The following HBS1L variants were observed in gnomAD, a reference collection of about 807,000 sequenced individuals.
HBS1L encodes HBS1-like protein.
In HBS1L, 55 loss-of-function variants were observed where a neutral mutation model predicts 88.9. The ratio of observed to expected loss-of-function variants is 0.62; its 90% CI spans 0.50 to 0.77. The LOEUF (loss-of-function observed/expected upper bound fraction) is 0.77, where lower values mean the gene tolerates loss of function less well. Ranked by LOEUF, HBS1L falls within the 30% of genes least tolerant of loss-of-function variation. The pLI is 0.00. For synonymous variants in HBS1L, 267 were observed against 288.5 expected (o/e 0.93, Z 0.76); for missense variants, 741 against 829.3 (o/e 0.89, Z 1.31).
In HBS1L at chr6:134,965,273, G is replaced by T; in HGVS notation, c.*6C>A. ...TATCCAGAAACGTGGTAGAAATTCT[G>T]ACCCATCATTCTTTTATCTGTTAAA... On this transcript the variant is annotated 3_prime_UTR_variant, in exon 18 of 18. Transcript: ENST00000367837. 1 of 1,568,996 alleles carries T rather than the reference G, an allele frequency of 6.4e-7. No homozygotes were observed. Among genetic ancestry groups the T allele is most frequent in the Non-Finnish European group, 8.7e-7 (1 of 1,145,106 alleles).
chr6:135,010,536 T>C (rs892136346), intron 4 of HBS1L, among the ~76,000 whole-genome samples: 1 of 152,210 alleles, frequency 6.6e-6, no homozygotes, highest in African/African-American at 2.4e-5. Context: ...AAAATGATTT[T>C]AGGTGATAAT....
chr6:135,018,466 A>C (rs1426445306), intron 4 of HBS1L, among the ~76,000 whole-genome samples: 1 of 152,018 alleles, frequency 6.6e-6, no homozygotes, highest in African/African-American at 2.4e-5. Context: ...CTGAACCAGC[A>C]ATTTTTTAAA....
At chr6:135,029,093 T>C (rs938639903) in intron 4 of HBS1L, among the ~76,000 whole-genome samples, 2 of 152,138 alleles carry the variant, frequency 1.3e-5, no homozygotes, top group African/African-American at 4.8e-5. Context: ...TAGCCCTTAA[T>C]AGCAGCTAAA....
intron 4 of HBS1L, chr6:135,036,864 A>T: frequency 6.4e-7 from 1 of 1,551,708 alleles, no homozygotes; most frequent in Non-Finnish European, 8.7e-7. Context: ...TATTATCCTT[A>T]GCAAAATTGG....
chr6:135,046,359 C>CA (rs36068571), intron 2 of HBS1L, among the ~76,000 whole-genome samples: 4,618 of 141,822 alleles, frequency 0.033, 193 homozygotes, highest in African/African-American at 0.095. Flanking sequence ...GTTTTTCTTA[C>CA]AAAAAAAAAA....
Position 134,964,914 on chromosome 6 carries a change from G to T in HBS1L, c.*365C>A. Reference sequence around the variant, plus strand: ...TCCTTAAAACATGTGCAGTATAATTGAATCAAAAGAGAAAACTGCAAATAC... The same window carrying T: ...TCCTTAAAACATGTGCAGTATAATTTAATCAAAAGAGAAAACTGCAAATAC... On this transcript the variant is annotated 3_prime_UTR_variant, in exon 18 of 18. Coordinates refer to ENST00000367837, the MANE Select transcript of HBS1L (RefSeq NM_006620.4). 3 of 215,202 alleles carry T rather than the reference G, an allele frequency of 1.4e-5. No homozygotes were observed. The highest frequency in any genetic ancestry group is 7.0e-5 in the South Asian group (1 of 14,220). The allele number at this position is 215,202 out of a possible 1,614,324, so 13.3% of individuals were successfully genotyped here.
In HBS1L at chr6:134,969,342, A is replaced by G; in HGVS notation, c.1798-4T>C. The G allele has an allele frequency of 6.3e-7, 1 of 1,589,062 alleles. No homozygotes were observed. ...CAGTTTGGTAGTGTAACAGCACCTA[A>G]AACAAAAAATTATAACACTAAAAAT... On this transcript the variant is annotated splice_polypyrimidine_tract_variant and splice_region_variant and intron_variant, in intron 15 of 17. Transcript: ENST00000367837.
At chr6:135,003,664 G>A (rs921614651) in intron 4 of HBS1L, among the ~76,000 whole-genome samples, 5 of 151,200 alleles carry the variant, frequency 3.3e-5, no homozygotes, top group East Asian at 1.9e-4. Context: ...TCAGGAGTTC[G>A]AGACCAGCCT....
chr6:135,032,486 T>C (rs1776416676), intron 4 of HBS1L, among the ~76,000 whole-genome samples: 1 of 152,174 alleles, frequency 6.6e-6, no homozygotes, highest in Non-Finnish European at 1.5e-5. Context: ...CATTTATATA[T>C]AATCTGTTTA....
At chr6:134,978,580 T>G in intron 15 of HBS1L, 99 bp downstream of exon 15, 1 of 599,290 alleles carries the variant, frequency 1.7e-6, no homozygotes, top group Non-Finnish European at 2.9e-6. Context: ...TAATTCAAAA[T>G]AAATATAGTA....
At chr6:134,973,021 G>C (rs187579876) in intron 15 of HBS1L, among the ~76,000 whole-genome samples, 2 of 152,198 alleles carry the variant, frequency 1.3e-5, no homozygotes, top group Admixed American at 1.3e-4. Context: ...AGCCCCTGTG[G>C]AAAATGGTTT....
chr6:135,023,393 G>A (rs978181734), intron 4 of HBS1L, among the ~76,000 whole-genome samples: 5 of 152,088 alleles, frequency 3.3e-5, no homozygotes, highest in African/African-American at 7.2e-5. Context: ...GCAGTGAGCC[G>A]ATTTCGCGCC....
intron 2 of HBS1L, among the ~76,000 whole-genome samples, chr6:135,047,181 T>C (rs913041359): frequency 1.3e-5 from 2 of 152,220 alleles, no homozygotes; most frequent in African/African-American, 2.4e-5. Context: ...TCAAGGAAGC[T>C]AGGCCATAAA....
Position 135,036,672 on chromosome 6 carries a change from A to C in HBS1L, c.430+2901T>G, listed in dbSNP as rs773734704. 9.7e-6 allele frequency: 15 copies of C among 1,551,176 alleles called. No homozygotes were observed. In the Admixed American group the frequency reaches 1.6e-4, roughly 16 times the overall value. ...GTGGACTTATTTCTTTGTCCTTTACATCTTGAACTTGTCTACTATAAAGAA... is the reference window on the plus strand; with the variant it reads ...GTGGACTTATTTCTTTGTCCTTTACCTCTTGAACTTGTCTACTATAAAGAA... On this transcript the variant is annotated intron_variant, in intron 4 of 17. Coordinates refer to ENST00000367837, the MANE Select transcript of HBS1L (RefSeq NM_006620.4).
Position 135,042,102 on chromosome 6 carries a change from C to G in HBS1L, c.134G>C (p.Arg45Pro). ...STAAQFIYSR[R>P]DKPSVEPVEE... ...CACAGGCTCAACGGAAGGTTTGTCA[C>G]GCCGTGAATAAATAAACTGAGCAGC... The change falls in exon 3 of 18, where the codon CGT becomes CCT. Residue 45 changes from arginine to proline, a missense_variant. Coordinates refer to ENST00000367837, the MANE Select transcript of HBS1L (RefSeq NM_006620.4). 6.2e-7 allele frequency: 1 copy of G among 1,612,778 alleles called. No individual in the cohort carries two copies. The highest frequency in any genetic ancestry group is 1.7e-5 in the Admixed American group (1 of 59,978).
intron 8 of HBS1L, among the ~76,000 whole-genome samples, chr6:134,988,736 T>A (rs1042159789): frequency 6.6e-6 from 1 of 152,202 alleles, no homozygotes; most frequent in African/African-American, 2.4e-5. Context: ...GTGCACCACC[T>A]TCCAGGGGGT....
At position 135,038,805 on chromosome 6, in the gene HBS1L, T is replaced by C. The variant is rs559458352; in HGVS notation, c.430+768A>G. Among the ~76,000 whole-genome samples the C allele has an allele frequency of 3.3e-5, 5 of 152,310 alleles. No homozygotes were observed. In the South Asian group the frequency reaches 1.0e-3, roughly 32 times the overall value. On this transcript the variant is annotated intron_variant, in intron 4 of 17. Transcript: ENST00000367837. The stretch of plus-strand genomic sequence containing the variant: ...TATAAAATGCAAAGTAGTATAATTA[T>C]GATACTTATACCTAATTATTTTTAA...
Position 134,964,312 on chromosome 6 carries a change from T to C in HBS1L, c.*967A>G, listed in dbSNP as rs769266913. ...CAACGAATACCTGTTGTTAAATAAA[T>C]AAACCTTGGGGTTTGTTGTTGAAAC... On this transcript the variant is annotated 3_prime_UTR_variant, in exon 18 of 18. Transcript: ENST00000367837. 9 of 152,328 alleles carry C rather than the reference T, an allele frequency of 5.9e-5. No homozygotes were observed. The South Asian group carries it at 6.2e-4, about 11-fold the overall frequency. 9.4% of individuals were successfully genotyped at this position (152,328 alleles called of 1,614,324 possible).
chr6:135,003,373 G>A (rs12527707), intron 4 of HBS1L, among the ~76,000 whole-genome samples: 70,896 of 151,858 alleles, frequency 0.47, 16,859 homozygotes, highest in South Asian at 0.56. Context: ...AAGAATCTAG[G>A]GAAAGAGGTT....
Sources: allele counts gnomAD v4.1 joint callset (sites outside exome capture counted in the v4.1 genomes callset), GRCh38; gene constraint gnomAD v4.1.1; transcripts MANE v1.5; gene names NCBI Gene and HGNC (gene_info 2026-07-23, HGNC 2026-07-21).